The following DPP9 variants were observed in gnomAD, a reference collection of about 807,000 sequenced individuals.
The protein encoded by DPP9 is dipeptidyl peptidase 9.
Under a neutral mutation model 110.7 loss-of-function variants are expected in DPP9, and 50 were observed. That is an observed-to-expected ratio of 0.45 (90% CI 0.36 to 0.57). The LOEUF is 0.57. Among genes scored for constraint, DPP9 ranks in the 20% least tolerant of loss-of-function variants. DPP9 has a pLI of 0.00. For synonymous variants in DPP9, 561 were observed against 514.4 expected, an observed-to-expected ratio of 1.09 and a Z score of -1.23; for missense variants, 1,022 against 1,217.9, an observed-to-expected ratio of 0.84 and a Z score of 2.39.
intron 14 of DPP9, among the ~76,000 whole-genome samples, chr19:4,690,624 G>C (rs530899852): frequency 6.6e-6 from 1 of 152,332 alleles, no homozygotes; most frequent in South Asian, 2.1e-4. Flanking sequence ...GATAAAGCAC[G>C]TGAATGGCAC....
In DPP9 at chr19:4,682,962, G is replaced by A; in HGVS notation, c.2332-124C>T. The A allele has an allele frequency of 1.3e-6, 2 of 1,533,776 alleles. No homozygotes were observed. The highest frequency in any genetic ancestry group is 2.4e-5 in the East Asian group (1 of 40,836). On this transcript the variant is annotated intron_variant, in intron 19 of 21. Transcript: ENST00000262960. This position sits in a 1 kb window ranked among gnomAD's most constrained non-coding sequence, Gnocchi z 7.1. The stretch of plus-strand genomic sequence containing the variant: ...GCCCGTGAGGAGCGCTCATGCACAT[G>A]GGGCCGGCAAGGAAGGGGCCCTCAG...
intron 21 of DPP9, among the ~76,000 whole-genome samples, chr19:4,678,360 G>A (rs980275386): frequency 2.6e-5 from 4 of 152,272 alleles, no homozygotes; most frequent in African/African-American, 4.8e-5. Flanking sequence ...TGATCCACCC[G>A]CCTCAGCCTC....
At chr19:4,686,471 C>T (rs2090736189) in intron 16 of DPP9, among the ~76,000 whole-genome samples, 2 of 151,940 alleles carry the variant, frequency 1.3e-5, no homozygotes, top group South Asian at 4.2e-4. Context: ...AGGTGCGCGC[C>T]ACCACATTTG....
chr19:4,716,868 G>A (rs2093105380), intron 3 of DPP9, among the ~76,000 whole-genome samples: 1 of 152,148 alleles, frequency 6.6e-6, no homozygotes, highest in Non-Finnish European at 1.5e-5. Context: ...AGCAATTACA[G>A]CAGGAAAAGT....
At chr19:4,678,277 T>C (rs914393195) in intron 21 of DPP9, among the ~76,000 whole-genome samples, 4 of 151,658 alleles carry the variant, frequency 2.6e-5, no homozygotes, top group Non-Finnish European at 5.9e-5. Flanking sequence ...CACACTCGGC[T>C]AATTTTTGTA....
chr19:4,706,498 A>G (rs1236943395), intron 4 of DPP9, among the ~76,000 whole-genome samples: 1 of 151,374 alleles, frequency 6.6e-6, no homozygotes, highest in African/African-American at 2.4e-5. Context: ...TTAATATAGG[A>G]TTAGAGGGAG....
intron 3 of DPP9, among the ~76,000 whole-genome samples, chr19:4,716,581 G>A (rs965937979): frequency 6.6e-6 from 1 of 151,926 alleles, no homozygotes; most frequent in Non-Finnish European, 1.5e-5. Flanking sequence ...AGCTTGCAGT[G>A]AGCCGAGATC....
rs368727935 is a variant in DPP9 at position 4,714,280 on chromosome 19, G to A, written c.114C>T (p.Ala38=). The A allele has an allele frequency of 4.8e-5, 74 of 1,552,846 alleles. No individual in the cohort carries two copies. The highest frequency in any genetic ancestry group is 1.7e-4 in the Middle Eastern group (1 of 5,996). Residue 38 remains alanine (A), a synonymous_variant, in exon 4 of 22, where the codon GCC becomes GCT. Transcript: ENST00000262960. ...CTGTGGCGGCTGCGTCGCCTCGGTC[G>A]GCCGTTGGGGTCCCGGTGGTGGCCA... ...ERMATTGTPT[A]DRGDAAATDD... is the part of the protein sequence containing the mutation.
At position 4,694,295 on chromosome 19, in the gene DPP9, A is replaced by T. The variant is rs1242276933; in HGVS notation, c.1516+366T>A. 2.4e-6 allele frequency: 1 copy of T among 408,306 alleles called. No individual in the cohort carries two copies. The highest frequency in any genetic ancestry group is 4.4e-6 in the Non-Finnish European group (1 of 229,054). The allele number at this position is 408,306 out of a possible 1,614,324, so 25.3% of individuals were successfully genotyped here. A position where few individuals can be genotyped will look rare whatever the true frequency, so the allele number is the denominator to read the frequency against. ...ACCCAGTTCTGCTGCTGCAGCACAA[A>T]AGCGACCACAGACAGTCTCTGTAAA... On this transcript the variant is annotated intron_variant, in intron 13 of 21. Transcript: ENST00000262960. This position sits in a 1 kb window ranked among gnomAD's most constrained non-coding sequence, Gnocchi z 4.0.
At position 4,694,751 on chromosome 19, in the gene DPP9, A is replaced by G; in HGVS notation, c.1426T>C (p.Cys476Arg). ...TACAAATGGCAGAAGCCGGTCTTGC[A>G]TTCATTGGCGCGGAGAAAGCAGAGC... ...DELCFLRANECKTGFCHLYKV... is the reference protein window; with the variant it reads ...DELCFLRANERKTGFCHLYKV... The change falls in exon 13 of 22, where the codon TGC becomes CGC. Residue 476 changes from cysteine (C) to arginine (R), a missense_variant. Physicochemically the swap from Cys to Arg is radical, Grantham distance 180. This residue lies in a region of DPP9 where 810 missense variants were observed against 920.6 expected (regional missense o/e 0.88). Coordinates refer to ENST00000262960, the MANE Select transcript of DPP9 (RefSeq NM_139159.5). This position sits in a 1 kb window ranked among gnomAD's most constrained non-coding sequence, Gnocchi z 4.0. 6.2e-7 allele frequency: 1 copy of G among 1,613,900 alleles called. No homozygotes were observed. Among genetic ancestry groups the G allele is most frequent in the Non-Finnish European group, 8.5e-7 (1 of 1,179,844 alleles).
chr19:4,707,940 AGAG>A (rs1317892577), intron 4 of DPP9, among the ~76,000 whole-genome samples: 5 of 152,050 alleles, frequency 3.3e-5, no homozygotes, highest in Non-Finnish European at 5.9e-5. Context: ...CTTGCTTTTA[AGAG>A]GAGAACAGGA....
rs778143273 is a variant in DPP9, at chr19:4,705,911, G to C, written c.373C>G (p.Arg125Gly). ...LLYSEIPKKVRKEALLLLSWK... is the reference protein window; with the variant it reads ...LLYSEIPKKVGKEALLLLSWK... ...GACAGGAGCAGCAGAGCCTCTTTCC[G>C]GACCTTCTTGGGAATCTCAGAGTAG... Residue 125 changes from arginine to glycine, a missense_variant, in exon 5 of 22, where the codon CGG (arginine) becomes GGG (glycine). Around this residue, in one of 3 missense-constraint regions of DPP9, gnomAD observed 810 missense variants for 920.6 expected, o/e 0.88. Transcript: ENST00000262960. 15 of 1,613,948 alleles carry C rather than the reference G, an allele frequency of 9.3e-6. No homozygotes were observed. The South Asian group carries it at 1.5e-4, about 17-fold the overall frequency.
Position 4,688,871 on chromosome 19 carries a change from G to A in DPP9, c.1771C>T (p.His591Tyr). 1 of 1,523,166 alleles carries A rather than the reference G, an allele frequency of 6.6e-7. No individual in the cohort carries two copies. Among genetic ancestry groups the A allele is most frequent in the Non-Finnish European group, 8.7e-7 (1 of 1,149,324 alleles). The allele number at this position is 1,523,166 out of a possible 1,614,324, so 94.4% of individuals were successfully genotyped here. ...MSQNFDMFVS[H>Y]YSSVSTPPCV... ...GGCGGCGTGCTCACGCTGCTGTAGTGGCTGACGAACATGTCGAAGTTCTGG... is the reference window on the plus strand; with the variant it reads ...GGCGGCGTGCTCACGCTGCTGTAGTAGCTGACGAACATGTCGAAGTTCTGG... Residue 591 changes from histidine to tyrosine, a missense_variant, in exon 16 of 22, where the codon CAC becomes TAC. Transcript: ENST00000262960.
intron 4 of DPP9, among the ~76,000 whole-genome samples, chr19:4,712,625 G>C (rs2092888672): frequency 6.6e-6 from 1 of 152,178 alleles, no homozygotes; most frequent in South Asian, 2.1e-4. Flanking sequence ...CTCTGTTGCG[G>C]TGACTCTCCT....
chr19:4,714,260 G>A lies in DPP9; in HGVS notation c.134C>T (p.Ala45Val). 1 of 1,576,238 alleles carries A rather than the reference G, an allele frequency of 6.3e-7. No homozygotes were observed. Among genetic ancestry groups the A allele is most frequent in the Non-Finnish European group, 8.6e-7 (1 of 1,162,604 alleles). Residue 45 changes from alanine to valine, a missense_variant, in exon 4 of 22, where the codon GCC becomes GTC. Physicochemically the swap from Ala to Val is moderately conservative, Grantham distance 64. Around this residue, in one of 3 missense-constraint regions of DPP9, gnomAD observed 810 missense variants for 920.6 expected, o/e 0.88. Transcript: ENST00000262960. ...GAAGCGGGCGGCCGGGTCATCTGTGGCGGCTGCGTCGCCTCGGTCGGCCGT... is the reference window on the plus strand; with the variant it reads ...GAAGCGGGCGGCCGGGTCATCTGTGACGGCTGCGTCGCCTCGGTCGGCCGT... ...TPTADRGDAA[A>V]TDDPAARFQV...
At chr19:4,697,969 G>A (rs1012987231) in intron 10 of DPP9, among the ~76,000 whole-genome samples, 6 of 152,226 alleles carry the variant, frequency 3.9e-5, no homozygotes, top group Non-Finnish European at 8.8e-5. Flanking sequence ...AAGAAGCCAT[G>A]GAGAAGGAGC....
At chr19:4,705,310 C>T (rs1215691259) in intron 5 of DPP9, among the ~76,000 whole-genome samples, 1 of 152,124 alleles carries the variant, frequency 6.6e-6, no homozygotes, top group East Asian at 1.9e-4. Flanking sequence ...TGTAGCCTTG[C>T]CCTCCTGGGT....
intron 16 of DPP9, among the ~76,000 whole-genome samples, chr19:4,686,646 G>C (rs950286935): frequency 6.6e-6 from 1 of 152,004 alleles, no homozygotes; most frequent in Non-Finnish European, 1.5e-5. Context: ...TGGGTGACCC[G>C]CACACCTTGG....
intron 5 of DPP9, 89 bp downstream of exon 5, chr19:4,705,769 G>A: frequency 1.6e-6 from 2 of 1,266,684 alleles, no homozygotes; most frequent in Non-Finnish European, 2.3e-6. Flanking sequence ...GTGGGGCAGA[G>A]AGGTGACCGA....
Sources: gnomAD v4.1 joint callset for allele counts (sites outside exome capture counted in the v4.1 genomes callset) on GRCh38, gnomAD v4.1.1 for gene constraint, gnomAD v4.1.1 regional missense constraint, Gnocchi (gnomAD v3.1) non-coding constraint, MANE v1.5 for transcripts, NCBI Gene and HGNC (gene_info 2026-07-23, HGNC 2026-07-21) for gene names.